The following ATP8A1 variants were observed in gnomAD, a reference collection of about 807,000 sequenced individuals.
ATP8A1 encodes phospholipid-transporting ATPase IA.
In ATP8A1, 90 loss-of-function variants were observed where a neutral mutation model predicts 177.7. The ratio of observed to expected loss-of-function variants is 0.51; its 90% CI spans 0.43 to 0.60. The LOEUF (loss-of-function observed/expected upper bound fraction) is 0.60, where lower values mean the gene tolerates loss of function less well. Ranked by LOEUF, ATP8A1 falls within the 20% of genes least tolerant of loss-of-function variation. The pLI is 0.00. For missense variants in ATP8A1, 1,072 were observed against 1,392.8 expected (o/e 0.77, Z 3.67); for synonymous variants, 493 against 485.9 (o/e 1.01, Z -0.19).
At chr4:42,529,406 C>T (rs549879202) in intron 20 of ATP8A1, among the ~76,000 whole-genome samples, 9 of 152,300 alleles carry the variant, frequency 5.9e-5, no homozygotes, top group South Asian at 2.1e-4. Flanking sequence ...AGTCACGATG[C>T]GACCTGAACT....
intron 1 of ATP8A1, among the ~76,000 whole-genome samples, chr4:42,636,140 ACAC>A (rs1560546595): frequency 3.7e-4 from 14 of 38,164 alleles, no homozygotes; most frequent in African/African-American, 9.0e-4. Flanking sequence ...ACACACACAC[ACAC>A]ACACACACAC....
chr4:42,421,946 GA>G (rs1177720839), intron 35 of ATP8A1, among the ~76,000 whole-genome samples: 26 of 150,826 alleles, frequency 1.7e-4, no homozygotes, highest in East Asian at 3.9e-4. Context: ...TTTTTTTTTG[GA>G]GGGGGTGGTG....
At chr4:42,461,262 T>G (rs971212560) in intron 27 of ATP8A1, among the ~76,000 whole-genome samples, 5 of 147,502 alleles carry the variant, frequency 3.4e-5, no homozygotes, top group African/African-American at 1.3e-4. Flanking sequence ...TTTTTTTTTT[T>G]GCTTTTTGCT....
At position 42,657,038 on chromosome 4, in the gene ATP8A1, G is replaced by T; in HGVS notation, c.-165C>A. On this transcript the variant is annotated 5_prime_UTR_variant, in exon 1 of 37. Coordinates refer to ENST00000381668, the MANE Select transcript of ATP8A1 (RefSeq NM_006095.2). ...CCGCCGGGCGCGGCCCCCGCACGCC[G>T]ACAGGAGGAGGAGAAAGGCAGCGGT... The T allele has an allele frequency of 1.6e-6, 1 of 617,038 alleles. No homozygotes were observed. Among genetic ancestry groups the T allele is most frequent in the South Asian group, 7.9e-5 (1 of 12,614 alleles). 38.2% of individuals were successfully genotyped at this position (617,038 alleles called of 1,614,324 possible).
At chr4:42,649,339 C>A (rs1740858747) in intron 1 of ATP8A1, among the ~76,000 whole-genome samples, 1 of 152,076 alleles carries the variant, frequency 6.6e-6, no homozygotes, top group South Asian at 2.1e-4. Flanking sequence ...CACAGATATC[C>A]ATAAAATTAT....
chr4:42,554,324 C>G (rs79762476), intron 16 of ATP8A1, among the ~76,000 whole-genome samples: 1 of 152,062 alleles, frequency 6.6e-6, no homozygotes, highest in Non-Finnish European at 1.5e-5. Flanking sequence ...GACTTGGTGA[C>G]TCAGAGATCT....
intron 25 of ATP8A1, chr4:42,472,345 G>A (rs886112259): frequency 4.8e-6 from 2 of 420,514 alleles, no homozygotes; most frequent in Admixed American, 2.7e-5. Flanking sequence ...CACAGGCGAG[G>A]ATGTTAATTT....
At chr4:42,465,855 AC>A (rs1719687779) in intron 25 of ATP8A1, among the ~76,000 whole-genome samples, 1 of 151,904 alleles carries the variant, frequency 6.6e-6, no homozygotes, top group African/African-American at 2.4e-5. Flanking sequence ...ACACGGTGAA[AC>A]CCCGTCTCTA....
chr4:42,417,737 A>C (rs1478131509), intron 35 of ATP8A1, among the ~76,000 whole-genome samples: 2 of 152,220 alleles, frequency 1.3e-5, no homozygotes, highest in Non-Finnish European at 1.5e-5. Flanking sequence ...ATTTAGGTTG[A>C]CTCATTAAAA....
At chr4:42,575,784 G>A (rs1436244955) in intron 12 of ATP8A1, 85 bp from the exon 13 acceptor site, 42 of 1,100,586 alleles carry the variant, frequency 3.8e-5, no homozygotes, top group Middle Eastern at 2.5e-4. Context: ...TAGTATATTC[G>A]TACTTCAATA....
chr4:42,433,131 A>C lies in ATP8A1; in HGVS notation c.3124-9426T>G, dbSNP rs62304289. ...TGCTCAACTTTCTGGTTCTAGCTCC[A>C]ATCATTTTCTGCCTTGGTAACACCA... On this transcript the variant is annotated intron_variant, in intron 33 of 36. Coordinates refer to ENST00000381668, the MANE Select transcript of ATP8A1 (RefSeq NM_006095.2). Among the ~76,000 whole-genome samples, 1,274 of 152,238 alleles carry C rather than the reference A, an allele frequency of 8.4e-3. 11 individuals are homozygous for C. The highest frequency in any genetic ancestry group is 0.014 in the Non-Finnish European group (931 of 68,016).
chr4:42,481,976 T>C (rs891693291), intron 25 of ATP8A1, among the ~76,000 whole-genome samples: 2 of 152,240 alleles, frequency 1.3e-5, no homozygotes, highest in East Asian at 3.9e-4. Flanking sequence ...ATACTCACAA[T>C]GTTAAAAACA....
intron 1 of ATP8A1, among the ~76,000 whole-genome samples, chr4:42,640,994 G>C (rs1240233861): frequency 7.1e-6 from 1 of 139,974 alleles, no homozygotes; most frequent in Non-Finnish European, 1.5e-5. Context: ...GACGTACAGA[G>C]ACTTCCCCCT....
chr4:42,448,374 GCCTC>G (rs1375721285), intron 30 of ATP8A1, among the ~76,000 whole-genome samples: 3 of 136,104 alleles, frequency 2.2e-5, no homozygotes, highest in Non-Finnish European at 4.7e-5. Context: ...TCAACAAGTA[GCCTC>G]CCTCCCTCCT....
At chr4:42,604,596 T>C (rs1188657151) in intron 5 of ATP8A1, among the ~76,000 whole-genome samples, 3 of 152,174 alleles carry the variant, frequency 2.0e-5, no homozygotes, top group Non-Finnish European at 4.4e-5. Context: ...ATTTAATAAA[T>C]AGTTGTATAG....
intron 6 of ATP8A1, among the ~76,000 whole-genome samples, chr4:42,598,671 T>C (rs915685984): frequency 1.3e-5 from 2 of 152,188 alleles, no homozygotes; most frequent in African/African-American, 4.8e-5. Context: ...ATATCAAAGT[T>C]TGGATGCTTT....
At chr4:42,455,712 C>G (rs940733008) in intron 27 of ATP8A1, 113 bp from the exon 28 acceptor site, 1 of 879,970 alleles carries the variant, frequency 1.1e-6, no homozygotes, top group African/African-American at 1.7e-5. Context: ...ATATTATACT[C>G]ATGACTCTTT....
intron 5 of ATP8A1, among the ~76,000 whole-genome samples, chr4:42,613,415 A>G (rs1736569757): frequency 6.6e-6 from 1 of 152,196 alleles, no homozygotes; most frequent in Non-Finnish European, 1.5e-5. Flanking sequence ...AGTCCCTTAA[A>G]TAAACTGGTG....
At chr4:42,440,846 T>G (rs1338573340) in intron 33 of ATP8A1, among the ~76,000 whole-genome samples, 1 of 152,186 alleles carries the variant, frequency 6.6e-6, no homozygotes, top group Non-Finnish European at 1.5e-5. Flanking sequence ...ATTCTCTGTC[T>G]GCTCCACCTC....
Sources: gnomAD v4.1 joint callset for allele counts (sites outside exome capture counted in the v4.1 genomes callset) on GRCh38, gnomAD v4.1.1 for gene constraint, MANE v1.5 for transcripts, NCBI Gene and HGNC (gene_info 2026-07-23, HGNC 2026-07-21) for gene names.